GPBP1L1: variants seen among roughly 807,000 people sequenced by gnomAD.
GPBP1L1 encodes the protein vasculin-like protein 1.
GPBP1L1 carries 23 observed loss-of-function variants against 52.5 expected under a neutral mutation model. The observed-to-expected ratio is 0.44, with a 90% confidence interval of 0.32 to 0.62. The LOEUF is 0.62. Ranked by LOEUF, GPBP1L1 falls within the 20% of genes least tolerant of loss-of-function variation. The pLI, the probability that GPBP1L1 is intolerant of heterozygous loss-of-function variation, is 0.06. For missense variants in GPBP1L1, 596 were observed against 579.3 expected, an observed-to-expected ratio of 1.03 and a Z score of -0.30; for synonymous variants, 243 against 203.1, an observed-to-expected ratio of 1.20 and a Z score of -1.67.
At chr1:45,668,044 TAAC>T (rs1264969227) in intron 2 of GPBP1L1, among the ~76,000 whole-genome samples, 13 of 152,116 alleles carry the variant, frequency 8.5e-5, no homozygotes. Context: ...CCTCTAGTCT[TAAC>T]AAAAATCTAT....
At position 45,633,744 on chromosome 1, in the gene GPBP1L1, T is replaced by C. The variant is rs572733696; in HGVS notation, c.886-97A>G. The C allele has an allele frequency of 3.0e-5, 37 of 1,240,626 alleles. No homozygotes were observed. The African/African-American group carries it at 4.7e-4, about 16-fold the overall frequency. 76.9% of individuals were successfully genotyped at this position (1,240,626 alleles called of 1,614,324 possible). A position where few individuals can be genotyped will look rare whatever the true frequency, so the allele number is the denominator to read the frequency against. On this transcript the variant is annotated intron_variant, in intron 9 of 12. Transcript: ENST00000355105. ...CTGACTTCAAGAATCTGGTAGCCTA[T>C]TTATCACTCTGTCTTAAACCAAACA...
intron 2 of GPBP1L1, among the ~76,000 whole-genome samples, chr1:45,682,896 C>CT (rs1312199325): frequency 4.6e-5 from 7 of 152,170 alleles, no homozygotes; most frequent in Non-Finnish European, 8.8e-5. Context: ...ATAGGAAACA[C>CT]TAAGTCTGAT....
At chr1:45,634,597 C>A in intron 8 of GPBP1L1, 1 of 166,810 alleles carries the variant, frequency 6.0e-6, no homozygotes, top group Non-Finnish European at 1.3e-5. Flanking sequence ...AGTTATGCAG[C>A]ATTTTCCTAA....
chr1:45,633,684 A>G (rs549702910), intron 9 of GPBP1L1, 37 bp from the exon 10 acceptor site: 50 of 1,604,122 alleles, frequency 3.1e-5, no homozygotes, highest in Non-Finnish European at 4.3e-5. Context: ...TCCTGACAGC[A>G]AAGAGCAAGA....
At chr1:45,662,624 T>C (rs1644959787) in intron 2 of GPBP1L1, among the ~76,000 whole-genome samples, 1 of 152,186 alleles carries the variant, frequency 6.6e-6, no homozygotes, top group South Asian at 2.1e-4. Flanking sequence ...TAAGTATCTC[T>C]GGGGAAATGA....
intron 12 of GPBP1L1, among the ~76,000 whole-genome samples, 176 bp from the exon 13 acceptor site, chr1:45,628,584 C>A (rs758037109): frequency 6.6e-6 from 1 of 152,182 alleles, no homozygotes. Context: ...TTTTAATTTA[C>A]GAGTCATCTA....
chr1:45,672,484 A>G (rs1645085720), intron 2 of GPBP1L1, among the ~76,000 whole-genome samples: 1 of 152,202 alleles, frequency 6.6e-6, no homozygotes, highest in African/African-American at 2.4e-5. Context: ...TAATTCTAAT[A>G]ATTTGTCTAT....
intron 6 of GPBP1L1, among the ~76,000 whole-genome samples, chr1:45,650,056 G>A (rs561988810): frequency 6.6e-6 from 1 of 152,156 alleles, no homozygotes; most frequent in Non-Finnish European, 1.5e-5. Context: ...CAAGTGATAA[G>A]AGTAAACATA....
At chr1:45,670,793 T>A (rs1645064982) in intron 2 of GPBP1L1, among the ~76,000 whole-genome samples, 2 of 146,304 alleles carry the variant, frequency 1.4e-5, no homozygotes, top group Admixed American at 1.4e-4. Context: ...ATGTCTTTTT[T>A]TTTTTTTTTT....
chr1:45,641,388 A>T (rs1371752718), intron 7 of GPBP1L1, among the ~76,000 whole-genome samples: 1 of 152,078 alleles, frequency 6.6e-6, no homozygotes, highest in East Asian at 1.9e-4. Flanking sequence ...CGACAGAGTG[A>T]GATTCTGTCT....
intron 2 of GPBP1L1, among the ~76,000 whole-genome samples, chr1:45,672,763 G>C (rs983421605): frequency 1.3e-5 from 2 of 152,180 alleles, no homozygotes; most frequent in Admixed American, 1.3e-4. Flanking sequence ...AAAGTGTGGG[G>C]ACCCAGAAGC....
At chr1:45,659,263 C>T in intron 3 of GPBP1L1, 121 bp from the exon 4 acceptor site, 2 of 611,756 alleles carry the variant, frequency 3.3e-6, no homozygotes, top group Non-Finnish European at 5.6e-6. Context: ...AGCCTGTCTA[C>T]AGATTACTTA....
chr1:45,659,454 T>C (rs1404723167), intron 3 of GPBP1L1, among the ~76,000 whole-genome samples: 1 of 152,188 alleles, frequency 6.6e-6, no homozygotes, highest in Non-Finnish European at 1.5e-5. Context: ...TGCTTCAGCC[T>C]CGCAAAGTGT....
At position 45,658,999 on chromosome 1, in the gene GPBP1L1, G is replaced by C. The variant is rs372595226; in HGVS notation, c.60+29C>G. 52 of 1,451,070 alleles carry C rather than the reference G, an allele frequency of 3.6e-5. 1 individual carries two copies. The African/African-American group carries it at 6.0e-4, about 17-fold the overall frequency. 89.9% of individuals were successfully genotyped at this position (1,451,070 alleles called of 1,614,324 possible). ...CACCCCCAAACCCTCTCATATTTGA[G>C]AAGTTACTACAGGAATGGAGAACAG... On this transcript the variant is annotated intron_variant, in intron 4 of 12. Coordinates refer to ENST00000355105, the MANE Select transcript of GPBP1L1 (RefSeq NM_021639.5).
At chr1:45,683,601 G>A (rs1188441314) in intron 2 of GPBP1L1, among the ~76,000 whole-genome samples, 5 of 151,040 alleles carry the variant, frequency 3.3e-5, no homozygotes, top group African/African-American at 9.7e-5. Context: ...TAGACCTGGC[G>A]CTGTGGCTCA....
chr1:45,682,856 T>C (rs371987876), intron 2 of GPBP1L1, among the ~76,000 whole-genome samples: 4 of 152,204 alleles, frequency 2.6e-5, no homozygotes, highest in Non-Finnish European at 5.9e-5. Context: ...AGTTTGATTA[T>C]AGGCTGTTTG....
chr1:45,676,155 C>A (rs934076894), intron 2 of GPBP1L1, among the ~76,000 whole-genome samples: 1 of 152,136 alleles, frequency 6.6e-6, no homozygotes, highest in Non-Finnish European at 1.5e-5. Context: ...CCATTTTCTA[C>A]TTTAGTACTA....
intron 6 of GPBP1L1, chr1:45,654,256 T>C (rs1195479813): frequency 2.1e-5 from 5 of 243,520 alleles, no homozygotes; most frequent in Non-Finnish European, 3.2e-5. Context: ...CAAGAGTACA[T>C]TTTAACATAA....
chr1:45,633,721 G>A (rs1644560121), intron 9 of GPBP1L1, 74 bp from the exon 10 acceptor site: 1 of 1,442,508 alleles, frequency 6.9e-7, no homozygotes, highest in Middle Eastern at 2.0e-4. Flanking sequence ...ACTAAGTGCT[G>A]ACTTCAAGAA....
Sources: allele counts gnomAD v4.1 joint callset (sites outside exome capture counted in the v4.1 genomes callset), GRCh38; gene constraint gnomAD v4.1.1; transcripts MANE v1.5; gene names NCBI Gene and HGNC (gene_info 2026-07-23, HGNC 2026-07-21).